Variants in NEURL1 observed in about 807,000 individuals in gnomAD.
The protein encoded by NEURL1 is E3 ubiquitin-protein ligase NEURL1.
NEURL1 carries 26 observed loss-of-function variants against 41.2 expected under a neutral mutation model. The observed-to-expected ratio is 0.63, with a 90% CI of 0.46 to 0.87. The LOEUF (loss-of-function observed/expected upper bound fraction) is 0.87, where lower values mean the gene tolerates loss of function less well. Ranked by LOEUF, NEURL1 falls within the 40% of genes least tolerant of loss-of-function variation. The probability of loss-of-function intolerance (pLI) is 0.00; values close to 1 mark genes in which losing one functional copy is unlikely to be tolerated. For missense variants in NEURL1, 761 were observed against 871.1 expected (o/e 0.87, Z 1.59); for synonymous variants, 400 against 402.3 (o/e 0.99, Z 0.07).
At chr10:103,577,172 A>G (rs1177063764) in intron 3 of NEURL1, among the ~76,000 whole-genome samples, 1 of 152,132 alleles carries the variant, frequency 6.6e-6, no homozygotes, top group East Asian at 1.9e-4. Context: ...TAAGAAAAAA[A>G]TCTTGCTTTT....
intron 1 of NEURL1, among the ~76,000 whole-genome samples, chr10:103,557,415 G>A (rs1340402784): frequency 6.6e-6 from 1 of 152,150 alleles, no homozygotes; most frequent in Non-Finnish European, 1.5e-5. Context: ...GGGGGCAGGA[G>A]GATCACTTGC....
chr10:103,579,203 T>G (rs1363977404), intron 3 of NEURL1, among the ~76,000 whole-genome samples: 1 of 152,156 alleles, frequency 6.6e-6, no homozygotes, highest in Non-Finnish European at 1.5e-5. Context: ...CCGCTCCCAC[T>G]CCTGCTCTTC....
rs1368154570 is a variant in NEURL1 at position 103,589,986 on chromosome 10, C to T, written c.1487-148C>T. The T allele has an allele frequency of 2.2e-5, 19 of 858,380 alleles. No individual in the cohort carries two copies. The East Asian group carries it at 4.4e-4, about 20-fold the overall frequency. The allele number at this position is 858,380 out of a possible 1,614,324, so 53.2% of individuals were successfully genotyped here. A position where few individuals can be genotyped will look rare whatever the true frequency, so the allele number is the denominator to read the frequency against. On this transcript the variant is annotated intron_variant, in intron 5 of 5. Transcript: ENST00000369780. ...GGGCTGCTCAGAGCTCAGCCTCTTCCCTTGTGCCCTGGAAGTTGGGTTGTC... is the reference window on the plus strand; with the variant it reads ...GGGCTGCTCAGAGCTCAGCCTCTTCTCTTGTGCCCTGGAAGTTGGGTTGTC...
chr10:103,531,967 G>C (rs929314938), intron 1 of NEURL1, among the ~76,000 whole-genome samples: 1 of 152,020 alleles, frequency 6.6e-6, no homozygotes, highest in African/African-American at 2.4e-5. Context: ...TTACCATTTT[G>C]ACTTAAAGCC....
intron 1 of NEURL1, among the ~76,000 whole-genome samples, chr10:103,548,701 A>G (rs1396591565): frequency 6.6e-6 from 1 of 152,218 alleles, no homozygotes; most frequent in Non-Finnish European, 1.5e-5. Flanking sequence ...TAGTCCTTCC[A>G]GTTCTACGTG....
In NEURL1 at chr10:103,585,206, C is replaced by A. The variant is rs2035892816; in HGVS notation, c.1320C>A (p.Ile440=). The A allele has an allele frequency of 3.2e-6, 5 of 1,549,658 alleles. No individual in the cohort carries two copies. Among genetic ancestry groups the A allele is most frequent in the Non-Finnish European group, 3.5e-6 (4 of 1,150,632 alleles). ...TGCTCTTCGGCCTGCACGGGACCAT[C>A]ACGCAGATCCGCATCCTCGGTGAGT... The part of the protein sequence containing the change: ...LWMLFGLHGT[I]TQIRILGSTI... The change falls in exon 4 of 6, where the codon ATC becomes ATA. Residue 440 remains isoleucine (I), a synonymous_variant. Transcript: ENST00000369780.
At chr10:103,570,545 T>G (rs944999006) in intron 1 of NEURL1, among the ~76,000 whole-genome samples, 4 of 146,956 alleles carry the variant, frequency 2.7e-5, no homozygotes, top group African/African-American at 1.0e-4. Flanking sequence ...GTAAAGGTGA[T>G]GTGCTACCAT....
Position 103,590,435 on chromosome 10 carries a change from G to A in NEURL1, c.*63G>A. ...GGGCTTCAGCCCAGTCCCAGCTGAGGAACAAGCCAGTGGGGCCCCTTCTCT... is the reference window on the plus strand; with the variant it reads ...GGGCTTCAGCCCAGTCCCAGCTGAGAAACAAGCCAGTGGGGCCCCTTCTCT... On this transcript the variant is annotated 3_prime_UTR_variant, in exon 6 of 6. Transcript: ENST00000369780. The A allele has an allele frequency of 6.9e-6, 10 of 1,443,220 alleles. No individual in the cohort carries two copies. The highest frequency in any genetic ancestry group is 8.7e-6 in the Non-Finnish European group (9 of 1,032,104). The allele number at this position is 1,443,220 out of a possible 1,614,324, so 89.4% of individuals were successfully genotyped here. A position where few individuals can be genotyped will look rare whatever the true frequency, so the allele number is the denominator to read the frequency against.
chr10:103,558,421 G>A lies in NEURL1; in HGVS notation c.86-12451G>A, dbSNP rs1301421473. Among the ~76,000 whole-genome samples the A allele has an allele frequency of 6.6e-6, 1 of 151,850 alleles. No individual in the cohort carries two copies. Among genetic ancestry groups the A allele is most frequent in the African/African-American group, 2.4e-5 (1 of 41,310 alleles). On this transcript the variant is annotated intron_variant, in intron 1 of 5. Transcript: ENST00000369780. This position sits in a 1 kb window ranked among gnomAD's most constrained non-coding sequence, Gnocchi z 4.2. ...CCTGTGTGATGTGTCTCTAACTGTG[G>A]ATTGAAGCGACTGTGTGTTGCCGGG...
chr10:103,496,424 T>C (rs1431902739), intron 1 of NEURL1, among the ~76,000 whole-genome samples: 2 of 152,200 alleles, frequency 1.3e-5, no homozygotes, highest in African/African-American at 4.8e-5. Flanking sequence ...GTGGTGTGAA[T>C]GCAAAAAACC....
At chr10:103,564,959 G>A (rs1347373923) in intron 1 of NEURL1, among the ~76,000 whole-genome samples, 1 of 152,178 alleles carries the variant, frequency 6.6e-6, no homozygotes, top group Non-Finnish European at 1.5e-5. Flanking sequence ...CTGCACATTG[G>A]ACACTCATAG....
chr10:103,548,734 C>G (rs1293362332), intron 1 of NEURL1, among the ~76,000 whole-genome samples: 3 of 152,208 alleles, frequency 2.0e-5, no homozygotes, highest in Non-Finnish European at 4.4e-5. Context: ...CTCTGACTCT[C>G]AAGCGTTGCT....
intron 1 of NEURL1, among the ~76,000 whole-genome samples, chr10:103,517,957 C>A (rs931633110): frequency 1.3e-5 from 2 of 152,228 alleles, no homozygotes; most frequent in Non-Finnish European, 1.5e-5. Flanking sequence ...CGATCTTTGG[C>A]ATCCAATGAA....
At chr10:103,584,047 C>T (rs1407884602) in intron 3 of NEURL1, among the ~76,000 whole-genome samples, 3 of 152,014 alleles carry the variant, frequency 2.0e-5, no homozygotes, top group Non-Finnish European at 2.9e-5. Context: ...AGACAATGTA[C>T]GCAAAGAGGG....
At chr10:103,557,722 G>A (rs1417219290) in intron 1 of NEURL1, among the ~76,000 whole-genome samples, 5 of 152,200 alleles carry the variant, frequency 3.3e-5, no homozygotes, top group African/African-American at 7.2e-5. Context: ...CTGTACACAC[G>A]CCCTAGCTGC....
intron 1 of NEURL1, among the ~76,000 whole-genome samples, chr10:103,567,292 C>G (rs1253684350): frequency 6.6e-6 from 1 of 151,790 alleles, no homozygotes; most frequent in Non-Finnish European, 1.5e-5. Context: ...CCTGAAGGAA[C>G]CTTTTTTTTT....
intron 3 of NEURL1, among the ~76,000 whole-genome samples, chr10:103,572,992 C>CAT (rs1554897057): frequency 6.8e-6 from 1 of 146,470 alleles, no homozygotes; most frequent in Non-Finnish European, 1.5e-5. Context: ...GGTTGAAAAC[C>CAT]TTTTTTTTTT....
chr10:103,520,794 TG>T (rs1291104257), intron 1 of NEURL1, among the ~76,000 whole-genome samples: 1 of 151,848 alleles, frequency 6.6e-6, no homozygotes, highest in Non-Finnish European at 1.5e-5. Context: ...GAACCTACAG[TG>T]GGAGAGATTA....
At chr10:103,559,390 G>A (rs375386511) in intron 1 of NEURL1, among the ~76,000 whole-genome samples, 3 of 152,174 alleles carry the variant, frequency 2.0e-5, no homozygotes, top group African/African-American at 7.2e-5. Flanking sequence ...GCAGATGCTG[G>A]GTCAGTGGGT....
Sources: gnomAD v4.1 joint callset for allele counts (sites outside exome capture counted in the v4.1 genomes callset) on GRCh38, gnomAD v4.1.1 for gene constraint, Gnocchi (gnomAD v3.1) non-coding constraint, MANE v1.5 for transcripts, NCBI Gene and HGNC (gene_info 2026-07-23, HGNC 2026-07-21) for gene names.